Variants in TMEM38B observed in about 807,000 individuals in gnomAD.
The protein encoded by TMEM38B is transmembrane protein 38B.
A neutral mutation model predicts 28.7 loss-of-function variants in TMEM38B; 24 were observed. That is an observed-to-expected ratio of 0.84 (90% CI 0.61 to 1.18). TMEM38B has a LOEUF of 1.18. TMEM38B is among the 50% of genes most tolerant of loss of function. The pLI, the probability that TMEM38B is intolerant of heterozygous loss-of-function variation, is 0.00. For synonymous variants in TMEM38B, 131 were observed against 127.7 expected (o/e 1.03, Z -0.17); for missense variants, 380 against 350.9 (o/e 1.08, Z -0.66).
At chr9:105,734,225 T>A (rs1195421037) in intron 4 of TMEM38B, among the ~76,000 whole-genome samples, 1 of 152,156 alleles carries the variant, frequency 6.6e-6, no homozygotes, top group African/African-American at 2.4e-5. Flanking sequence ...GCATCCTGTT[T>A]AATTTTCACA....
intron 2 of TMEM38B, 136 bp from the exon 3 acceptor site, chr9:105,721,401 T>C: frequency 1.4e-6 from 1 of 689,950 alleles, no homozygotes; most frequent in South Asian, 2.6e-5. Context: ...GTGCTTTTAT[T>C]GAAATCAAGT....
At chr9:105,713,166 C>G (rs1388865542) in intron 2 of TMEM38B, among the ~76,000 whole-genome samples, 1 of 152,130 alleles carries the variant, frequency 6.6e-6, no homozygotes, top group Non-Finnish European at 1.5e-5. Flanking sequence ...CTCTTGGGAG[C>G]CAGGAGTAGG....
At chr9:105,746,056 C>CA (rs1287294791) in intron 4 of TMEM38B, among the ~76,000 whole-genome samples, 1 of 152,170 alleles carries the variant, frequency 6.6e-6, no homozygotes, top group Non-Finnish European at 1.5e-5. Flanking sequence ...ATTGACTTGG[C>CA]AATGCGGGCT....
intron 5 of TMEM38B, among the ~76,000 whole-genome samples, chr9:105,756,336 G>A (rs1837831256): frequency 6.6e-6 from 1 of 152,098 alleles, no homozygotes; most frequent in South Asian, 2.1e-4. Context: ...GAGAGAATGA[G>A]CATTCTTGTC....
chr9:105,748,027 A>G (rs544180962), intron 4 of TMEM38B, 46 bp from the exon 5 acceptor site: 38 of 1,273,352 alleles, frequency 3.0e-5, no homozygotes, highest in Non-Finnish European at 4.4e-5. Context: ...AGTTAGAGAT[A>G]TGTCATATTT....
intron 1 of TMEM38B, among the ~76,000 whole-genome samples, chr9:105,697,908 T>G (rs1420287207): frequency 6.6e-6 from 1 of 152,178 alleles, no homozygotes; most frequent in East Asian, 1.9e-4. Flanking sequence ...AAGTATAGGT[T>G]CGTAATCTAT....
chr9:105,731,295 TTTA>T (rs141356793), intron 4 of TMEM38B, among the ~76,000 whole-genome samples: 10,641 of 149,506 alleles, frequency 0.071, 814 homozygotes, highest in African/African-American at 0.19. Context: ...AAAGAACATC[TTTA>T]TTATTATTAT....
At chr9:105,722,255 A>G (rs564412004) in intron 3 of TMEM38B, among the ~76,000 whole-genome samples, 3 of 152,190 alleles carry the variant, frequency 2.0e-5, no homozygotes, top group Non-Finnish European at 4.4e-5. Context: ...AAAGGAAATG[A>G]TAAAGCAGAG....
chr9:105,705,572 A>G, intron 1 of TMEM38B, 25 bp from the exon 2 acceptor site: 2 of 1,601,840 alleles, frequency 1.2e-6, no homozygotes, highest in South Asian at 1.1e-5. Flanking sequence ...ATGATCACAG[A>G]CCATATTTTA....
intron 4 of TMEM38B, among the ~76,000 whole-genome samples, chr9:105,747,572 C>T (rs1346700822): frequency 1.3e-5 from 2 of 152,082 alleles, no homozygotes; most frequent in Non-Finnish European, 2.9e-5. Context: ...GTGTCTCTAT[C>T]TCCTTCAGTT....
At chr9:105,757,400 C>T (rs930392352) in intron 5 of TMEM38B, among the ~76,000 whole-genome samples, 1 of 152,068 alleles carries the variant, frequency 6.6e-6, no homozygotes, top group Admixed American at 6.5e-5. Context: ...CATATAATGA[C>T]TTCTTTTACT....
intron 4 of TMEM38B, among the ~76,000 whole-genome samples, chr9:105,728,267 CG>C (rs1454276312): frequency 4.0e-5 from 6 of 151,808 alleles, no homozygotes; most frequent in African/African-American, 1.4e-4. Context: ...AACAAGCCCC[CG>C]TGTTTGATGT....
intron 5 of TMEM38B, chr9:105,760,489 A>AT: frequency 1.3e-6 from 1 of 746,398 alleles, no homozygotes. Flanking sequence ...CTGTAAGCAG[A>AT]TTAGTGCTCA....
chr9:105,708,114 G>A (rs563670637), intron 2 of TMEM38B, among the ~76,000 whole-genome samples: 3 of 152,030 alleles, frequency 2.0e-5, no homozygotes, highest in South Asian at 2.1e-4. Flanking sequence ...GAGTCTATTC[G>A]TTATTCTTCA....
chr9:105,719,181 T>C (rs1836226935), intron 2 of TMEM38B, among the ~76,000 whole-genome samples: 1 of 152,202 alleles, frequency 6.6e-6, no homozygotes, highest in African/African-American at 2.4e-5. Flanking sequence ...TGAGATTTCA[T>C]TTGTTTGTGG....
intron 1 of TMEM38B, among the ~76,000 whole-genome samples, chr9:105,697,291 A>T (rs1228430724): frequency 1.3e-5 from 2 of 152,176 alleles, no homozygotes; most frequent in Non-Finnish European, 2.9e-5. Context: ...AGATTCCATA[A>T]TTTGAGAACC....
At chr9:105,746,837 G>A (rs1332812458) in intron 4 of TMEM38B, among the ~76,000 whole-genome samples, 2 of 151,242 alleles carry the variant, frequency 1.3e-5, no homozygotes, top group South Asian at 4.2e-4. Context: ...TGAGATAATC[G>A]TGGTTTTTGT....
intron 2 of TMEM38B, among the ~76,000 whole-genome samples, chr9:105,714,402 G>C (rs550518611): frequency 4.6e-5 from 7 of 152,142 alleles, no homozygotes; most frequent in Non-Finnish European, 7.4e-5. Context: ...CAGCCACAAA[G>C]GTTTCTGCCC....
chr9:105,718,549 A>C (rs1250987453), intron 2 of TMEM38B, among the ~76,000 whole-genome samples: 1 of 152,086 alleles, frequency 6.6e-6, no homozygotes, highest in African/African-American at 2.4e-5. Flanking sequence ...ATTTGATTTT[A>C]ATTTGAGAGA....
Sources: gnomAD v4.1 joint callset for allele counts (sites outside exome capture counted in the v4.1 genomes callset) on GRCh38, gnomAD v4.1.1 for gene constraint, MANE v1.5 for transcripts, NCBI Gene and HGNC (gene_info 2026-07-23, HGNC 2026-07-21) for gene names.